Variants in SMYD3 observed in about 807,000 individuals in gnomAD.
The protein encoded by SMYD3 is SET and MYND domain containing 3.
SMYD3 carries 36 observed loss-of-function variants against 57.7 expected under a neutral mutation model. The ratio of observed to expected loss-of-function variants is 0.62; its 90% CI spans 0.48 to 0.82. The LOEUF (loss-of-function observed/expected upper bound fraction) is 0.82, where lower values mean the gene tolerates loss of function less well. SMYD3 is among the 40% of genes least tolerant of loss of function. The probability of loss-of-function intolerance (pLI) is 0.00; values close to 1 mark genes in which losing one functional copy is unlikely to be tolerated. For missense variants in SMYD3, 515 were observed against 538.8 expected (o/e 0.96, Z 0.44); for synonymous variants, 211 against 195.0 (o/e 1.08, Z -0.68).
chr1:246,333,878 C>A (rs1308415752), intron 3 of SMYD3, among the ~76,000 whole-genome samples: 1 of 151,934 alleles, frequency 6.6e-6, no homozygotes, highest in African/African-American at 2.4e-5. Flanking sequence ...CAGAGTGAGA[C>A]CCTGTCTCAA....
chr1:245,981,243 C>G (rs989975377), intron 5 of SMYD3, among the ~76,000 whole-genome samples: 3 of 152,226 alleles, frequency 2.0e-5, no homozygotes, highest in Admixed American at 6.5e-5. Context: ...GCACACAGTG[C>G]TAAGGGGATG....
intron 8 of SMYD3, among the ~76,000 whole-genome samples, chr1:245,900,821 AT>A: frequency 6.6e-6 from 1 of 152,200 alleles, no homozygotes; most frequent in Non-Finnish European, 1.5e-5. Flanking sequence ...GAGCCTTCTC[AT>A]TTCCAACCAA....
intron 1 of SMYD3, among the ~76,000 whole-genome samples, chr1:246,413,849 T>C (rs1309128947): frequency 6.6e-6 from 1 of 152,160 alleles, no homozygotes; most frequent in African/African-American, 2.4e-5. Flanking sequence ...GGTACTTCTT[T>C]ATAGCAACAC....
intron 5 of SMYD3, among the ~76,000 whole-genome samples, chr1:245,934,193 G>T (rs1319027995): frequency 6.6e-6 from 1 of 152,162 alleles, no homozygotes; most frequent in African/African-American, 2.4e-5. Flanking sequence ...GACTAAATAT[G>T]AGTTTTCAAA....
chr1:246,361,113 G>A (rs61841302), intron 1 of SMYD3, among the ~76,000 whole-genome samples: 37,273 of 151,760 alleles, frequency 0.25, 5,034 homozygotes, highest in Middle Eastern at 0.43. Context: ...GAACAAAACA[G>A]TTCCATCAAA....
chr1:245,957,939 G>A (rs73130335), intron 5 of SMYD3, among the ~76,000 whole-genome samples: 19,024 of 152,020 alleles, frequency 0.13, 1,521 homozygotes, highest in African/African-American at 0.22. Flanking sequence ...CAGAATTCTT[G>A]CAAGAAAATG....
intron 8 of SMYD3, among the ~76,000 whole-genome samples, chr1:245,913,344 A>G (rs988388930): frequency 7.1e-6 from 1 of 140,044 alleles, no homozygotes; most frequent in African/African-American, 2.6e-5. Context: ...GGGGAACATC[A>G]CACACCGGGG....
At position 246,165,718 on chromosome 1, in the gene SMYD3, G is replaced by A. The variant is rs190170528; in HGVS notation, c.531+161483C>T. On this transcript the variant is annotated intron_variant, in intron 5 of 11. Coordinates refer to ENST00000490107, the MANE Select transcript of SMYD3 (RefSeq NM_001167740.2). The stretch of plus-strand genomic sequence containing the variant: ...CAAATGGTAAAAGTGAATAAAGGTC[G>A]GGGAGTGGAGAAGGTGGCTTGTCTG... Among the ~76,000 whole-genome samples, 161 of 151,994 alleles carry A rather than the reference G, an allele frequency of 1.1e-3. 1 individual carries two copies. The highest frequency in any genetic ancestry group is 2.0e-3 in the Non-Finnish European group (136 of 68,002).
intron 5 of SMYD3, among the ~76,000 whole-genome samples, chr1:246,069,842 T>C (rs1299270953): frequency 6.6e-6 from 1 of 152,204 alleles, no homozygotes; most frequent in Non-Finnish European, 1.5e-5. Flanking sequence ...CTGTTGTCAT[T>C]CTTCCCAGGA....
chr1:246,096,498 A>C (rs555613155), intron 5 of SMYD3: 2 of 152,326 alleles, frequency 1.3e-5, no homozygotes, highest in Admixed American at 1.3e-4. Flanking sequence ...CGATGGGAAG[A>C]ATGAAGCTCT....
At chr1:246,347,241 G>A (rs2065737274) in intron 2 of SMYD3, among the ~76,000 whole-genome samples, 1 of 152,096 alleles carries the variant, frequency 6.6e-6, no homozygotes, top group Admixed American at 6.5e-5. Context: ...AGAATAAAGA[G>A]AGAATGGAAC....
intron 7 of SMYD3, among the ~76,000 whole-genome samples, chr1:245,924,678 T>C (rs546963517): frequency 0.039 from 3,011 of 76,728 alleles, 82 homozygotes; most frequent in South Asian, 0.18. Flanking sequence ...TTTTTTTTTT[T>C]CTGAGATGGA....
At chr1:245,858,727 A>C in intron 9 of SMYD3, 57 bp from the exon 10 acceptor site, 2 of 1,553,482 alleles carry the variant, frequency 1.3e-6, no homozygotes, top group Non-Finnish European at 1.8e-6. Context: ...AACAAACAAA[A>C]TTAGATTCTC....
At chr1:246,255,480 G>C (rs1578247) in intron 5 of SMYD3, among the ~76,000 whole-genome samples, 31,524 of 151,792 alleles carry the variant, frequency 0.21, 3,990 homozygotes, top group East Asian at 0.58. Context: ...TGAATCACAC[G>C]TTTTGATTTG....
intron 1 of SMYD3, among the ~76,000 whole-genome samples, chr1:246,444,158 G>A (rs139652845): frequency 5.2e-4 from 74 of 142,034 alleles, no homozygotes; most frequent in Admixed American, 8.1e-4. Context: ...ACAGAGTCTC[G>A]TTCTGTCACC....
At chr1:246,164,931 C>A (rs1156491505) in intron 5 of SMYD3, among the ~76,000 whole-genome samples, 1 of 152,170 alleles carries the variant, frequency 6.6e-6, no homozygotes, top group Non-Finnish European at 1.5e-5. Flanking sequence ...TGGGAGTCAG[C>A]CACACAGAGA....
chr1:245,778,372 G>T (rs1473832049), intron 10 of SMYD3, among the ~76,000 whole-genome samples: 2 of 152,146 alleles, frequency 1.3e-5, no homozygotes, highest in Non-Finnish European at 2.9e-5. Flanking sequence ...TCACACAAAT[G>T]TAGCCAATTA....
chr1:245,986,096 T>C (rs994938225), intron 5 of SMYD3, among the ~76,000 whole-genome samples: 1 of 152,178 alleles, frequency 6.6e-6, no homozygotes, highest in Non-Finnish European at 1.5e-5. Context: ...CATTTTAGGA[T>C]CGTTTTTAGC....
At chr1:246,012,168 T>A (rs1006265160) in intron 5 of SMYD3, among the ~76,000 whole-genome samples, 1 of 152,184 alleles carries the variant, frequency 6.6e-6, no homozygotes, top group African/African-American at 2.4e-5. Context: ...TTTGTTGTCT[T>A]CTTGAGGGAA....
Sources: gnomAD v4.1 joint callset for allele counts (sites outside exome capture counted in the v4.1 genomes callset) on GRCh38, gnomAD v4.1.1 for gene constraint, MANE v1.5 for transcripts, NCBI Gene and HGNC (gene_info 2026-07-23, HGNC 2026-07-21) for gene names.